Variants in CPHXL2 observed in about 807,000 individuals in gnomAD.
The protein encoded by CPHXL2 is cytoplasmic polyadenylated homeobox like 2.
At chr16:75,676,152 G>T in the CPHXL2 span, among the ~76,000 whole-genome samples, 1 of 152,068 alleles carries the variant, frequency 6.6e-6, no homozygotes, top group Non-Finnish European at 1.5e-5. Flanking sequence ...CCATCCAGGG[G>T]TCATCAATAA....
the CPHXL2 span, among the ~76,000 whole-genome samples, chr16:75,668,227 ATATAT>A: frequency 4.3e-5 from 4 of 94,072 alleles, no homozygotes; most frequent in Non-Finnish European, 6.8e-5. Flanking sequence ...ATATATACAT[ATATAT>A]TTTTTTTTTT....
chr16:75,669,512 T>G, the CPHXL2 span: 3 of 399,140 alleles, frequency 7.5e-6, no homozygotes, highest in Non-Finnish European at 1.3e-5. Context: ...CTTTTTTTCT[T>G]TGTTTGTCTT....
At chr16:75,670,850 T>C in the CPHXL2 span, among the ~76,000 whole-genome samples, 1 of 152,188 alleles carries the variant, frequency 6.6e-6, no homozygotes, top group African/African-American at 2.4e-5. Context: ...TACCCTTCTG[T>C]AAATTTATTC....
At chr16:75,662,821 C>G in the CPHXL2 span, among the ~76,000 whole-genome samples, 1 of 129,520 alleles carries the variant, frequency 7.7e-6, no homozygotes, top group African/African-American at 2.9e-5. Context: ...TTTTTTGAGA[C>G]GGAGTCTCGC....
chr16:75,665,562 C>CA, the CPHXL2 span, among the ~76,000 whole-genome samples: 57 of 152,162 alleles, frequency 3.7e-4, no homozygotes, highest in African/African-American at 1.2e-3. Flanking sequence ...ACCTATACAA[C>CA]AAAAAAACAC....
chr16:75,661,135 C>T, the CPHXL2 span: 1 of 400,764 alleles, frequency 2.5e-6, no homozygotes. Flanking sequence ...GCCTGGGTTT[C>T]CTGGAGGCTT....
the CPHXL2 span, among the ~76,000 whole-genome samples, chr16:75,667,383 C>A: frequency 6.7e-6 from 1 of 148,980 alleles, no homozygotes; most frequent in Admixed American, 6.7e-5. Flanking sequence ...GTATTTTTTT[C>A]ATATAAAACC....
the CPHXL2 span, among the ~76,000 whole-genome samples, chr16:75,664,486 A>G: frequency 6.6e-6 from 1 of 152,186 alleles, no homozygotes; most frequent in African/African-American, 2.4e-5. Context: ...TTAGCTAGGC[A>G]TGGCGGCACG....
chr16:75,664,410 G>A, the CPHXL2 span, among the ~76,000 whole-genome samples: 1 of 152,134 alleles, frequency 6.6e-6, no homozygotes, highest in South Asian at 2.1e-4. Context: ...CAGATCACCT[G>A]AGGTCGGGAG....
the CPHXL2 span, among the ~76,000 whole-genome samples, chr16:75,676,335 T>C: frequency 6.6e-6 from 1 of 152,170 alleles, no homozygotes; most frequent in African/African-American, 2.4e-5. Flanking sequence ...ACATTTTTGT[T>C]TTTTAAGAGA....
the CPHXL2 span, among the ~76,000 whole-genome samples, chr16:75,666,427 C>G: frequency 0.032 from 4,844 of 151,962 alleles, 115 homozygotes; most frequent in African/African-American, 0.066. Context: ...CAGGACCAGC[C>G]TGGCCAATAA....
the CPHXL2 span, among the ~76,000 whole-genome samples, chr16:75,664,091 G>C: frequency 6.6e-6 from 1 of 152,194 alleles, no homozygotes; most frequent in East Asian, 1.9e-4. Flanking sequence ...CTCTGAATCT[G>C]CCTATGACTT....
the CPHXL2 span, among the ~76,000 whole-genome samples, chr16:75,671,805 C>A: frequency 1.3e-5 from 2 of 152,110 alleles, no homozygotes; most frequent in Admixed American, 1.3e-4. Context: ...GAAGACACTA[C>A]GAATGGAGTA....
chr16:75,668,629 T>A, the CPHXL2 span, among the ~76,000 whole-genome samples: 1 of 152,226 alleles, frequency 6.6e-6, no homozygotes, highest in African/African-American at 2.4e-5. Context: ...CTGTGTAGAA[T>A]TTGCATATAT....
chr16:75,670,506 A>G, the CPHXL2 span, among the ~76,000 whole-genome samples: 1 of 152,146 alleles, frequency 6.6e-6, no homozygotes, highest in Non-Finnish European at 1.5e-5. Flanking sequence ...TTCAGTTAAA[A>G]GTTTATTGAT....
chr16:75,676,696 T>A, the CPHXL2 span, among the ~76,000 whole-genome samples: 3 of 152,204 alleles, frequency 2.0e-5, no homozygotes, highest in Non-Finnish European at 4.4e-5. Context: ...CCATTCAAAC[T>A]TCCCCCCAAG....
the CPHXL2 span, among the ~76,000 whole-genome samples, chr16:75,661,635 TTCC>T: frequency 6.6e-6 from 1 of 152,038 alleles, no homozygotes. Flanking sequence ...ACGTGGATTG[TTCC>T]TACAACCCTG....
the CPHXL2 span, among the ~76,000 whole-genome samples, chr16:75,666,426 C>T: frequency 3.3e-5 from 5 of 151,854 alleles, no homozygotes; most frequent in Non-Finnish European, 5.9e-5. Flanking sequence ...TCAGGACCAG[C>T]CTGGCCAATA....
the CPHXL2 span, among the ~76,000 whole-genome samples, chr16:75,662,796 CTTTTT>C: frequency 2.4e-5 from 3 of 123,160 alleles, no homozygotes. Flanking sequence ...GGAGATAATT[CTTTTT>C]TTTTTTTTTT....
Sources: gnomAD v4.1 joint callset for allele counts (sites outside exome capture counted in the v4.1 genomes callset) on GRCh38, gnomAD v4.1.1 for gene constraint, MANE v1.5 for transcripts, NCBI Gene and HGNC (gene_info 2026-07-23, HGNC 2026-07-21) for gene names.